The following PTPRK variants were observed in gnomAD, a reference collection of about 807,000 sequenced individuals.
PTPRK encodes receptor-type tyrosine-protein phosphatase kappa.
Under a neutral mutation model 178.0 loss-of-function variants are expected in PTPRK, and 75 were observed. That is an observed-to-expected ratio of 0.42 (90% CI 0.35 to 0.51). PTPRK has a LOEUF of 0.51. PTPRK is among the 20% of genes least tolerant of loss of function. The probability of loss-of-function intolerance (pLI) is 0.02; values close to 1 mark genes in which losing one functional copy is unlikely to be tolerated. For missense variants in PTPRK, 1,441 were observed against 1,797.8 expected, an observed-to-expected ratio of 0.80 and a Z score of 3.59; for synonymous variants, 637 against 620.6, an observed-to-expected ratio of 1.03 and a Z score of -0.39.
At chr6:128,173,848 C>A (rs967784316) in intron 7 of PTPRK, among the ~76,000 whole-genome samples, 3 of 151,954 alleles carry the variant, frequency 2.0e-5, no homozygotes, top group African/African-American at 7.2e-5. Flanking sequence ...CCTTTCAGTC[C>A]TTTTCTTAAA....
intron 3 of PTPRK, among the ~76,000 whole-genome samples, chr6:128,247,838 C>T (rs1048797426): frequency 6.6e-6 from 1 of 152,146 alleles, no homozygotes; most frequent in African/African-American, 2.4e-5. Flanking sequence ...ATATTTCTTC[C>T]ATTCCCTTCT....
At chr6:128,414,284 C>T (rs1842607701) in intron 1 of PTPRK, among the ~76,000 whole-genome samples, 1 of 152,156 alleles carries the variant, frequency 6.6e-6, no homozygotes, top group Non-Finnish European at 1.5e-5. Context: ...CTTTCACACC[C>T]CAGATTCTCT....
At chr6:128,203,519 C>A (rs1288058255) in intron 6 of PTPRK, among the ~76,000 whole-genome samples, 1 of 152,080 alleles carries the variant, frequency 6.6e-6, no homozygotes, top group African/African-American at 2.4e-5. Flanking sequence ...GATCCTATAC[C>A]TAGAAAACCC....
rs899809154 is a variant in PTPRK, at chr6:127,983,270, G to A, written c.3359C>T (p.Ser1120Phe). Residue 1120 changes from serine (S) to phenylalanine (F), a missense_variant, in exon 23 of 30, where the codon TCT becomes TTT. Physicochemically the swap from Ser to Phe is radical, Grantham distance 155. Around this residue, in one of 4 missense-constraint regions of PTPRK, gnomAD observed 335 missense variants for 512.4 expected, o/e 0.65. Coordinates refer to ENST00000368226, the MANE Select transcript of PTPRK (RefSeq NM_002844.4). ...TGTCTGGACCATATTAATACGCCGA[G>A]ATCTTAAGGCTTTGACACAATTGTA... ...DIYNCVKALRSRRINMVQTEE... is the reference protein window; with the variant it reads ...DIYNCVKALRFRRINMVQTEE... 5 of 1,613,122 alleles carry A rather than the reference G, an allele frequency of 3.1e-6. No individual in the cohort carries two copies. Among genetic ancestry groups the A allele is most frequent in the Non-Finnish European group, 4.2e-6 (5 of 1,179,396 alleles).
intron 7 of PTPRK, among the ~76,000 whole-genome samples, chr6:128,178,360 G>T (rs919819003): frequency 6.6e-6 from 1 of 151,700 alleles, no homozygotes; most frequent in Non-Finnish European, 1.5e-5. Context: ...TAAAATTTGT[G>T]AAATAATTAA....
chr6:128,035,945 T>C lies in PTPRK; in HGVS notation c.2195-26677A>G, dbSNP rs552787709. On this transcript the variant is annotated intron_variant, in intron 13 of 29. Transcript: ENST00000368226. The stretch of plus-strand genomic sequence containing the variant: ...TTTCTGTCTTCTAATGTGGTTGTGT[T>C]CAACAGTTTAGGCAATAAGCATATG... Among the ~76,000 whole-genome samples, 311 of 152,372 alleles carry C rather than the reference T, an allele frequency of 2.0e-3. 2 individuals are homozygous for C. The highest frequency in any genetic ancestry group is 4.2e-3 in the Admixed American group (65 of 15,300).
intron 3 of PTPRK, among the ~76,000 whole-genome samples, chr6:128,302,730 A>C (rs1279634714): frequency 6.6e-6 from 1 of 152,008 alleles, no homozygotes. Context: ...ACTATCATAA[A>C]TGTTGGTATT....
intron 2 of PTPRK, among the ~76,000 whole-genome samples, chr6:128,386,280 G>A (rs1562411059): frequency 6.6e-6 from 1 of 151,780 alleles, no homozygotes; most frequent in East Asian, 1.9e-4. Flanking sequence ...GTTTGATTAA[G>A]AAGAACTTTT....
intron 1 of PTPRK, among the ~76,000 whole-genome samples, chr6:128,495,227 G>C (rs987478349): frequency 6.6e-6 from 1 of 152,150 alleles, no homozygotes; most frequent in Non-Finnish European, 1.5e-5. Flanking sequence ...AATCAATATA[G>C]AAAGGTGCCT....
At chr6:128,093,183 G>A (rs181258228) in intron 7 of PTPRK, among the ~76,000 whole-genome samples, 1 of 152,002 alleles carries the variant, frequency 6.6e-6, no homozygotes, top group Non-Finnish European at 1.5e-5. Flanking sequence ...TCTTTATTGG[G>A]TATTCCATAT....
intron 8 of PTPRK, chr6:128,085,222 A>T (rs544186914): frequency 2.6e-5 from 4 of 152,258 alleles, no homozygotes; most frequent in Non-Finnish European, 5.9e-5. Context: ...AGACTATGAG[A>T]GAAGTTAACT....
intron 7 of PTPRK, among the ~76,000 whole-genome samples, chr6:128,137,748 A>C (rs1395581125): frequency 1.3e-5 from 2 of 152,130 alleles, no homozygotes; most frequent in Non-Finnish European, 2.9e-5. Flanking sequence ...CTAATAAAGA[A>C]TAGCCAAAGT....
chr6:128,161,565 C>A (rs1798713377), intron 7 of PTPRK, among the ~76,000 whole-genome samples: 1 of 151,560 alleles, frequency 6.6e-6, no homozygotes, highest in Admixed American at 6.6e-5. Context: ...AAGCCAATTG[C>A]TTCTATTTCC....
chr6:128,132,236 G>A (rs1191395698), intron 7 of PTPRK, among the ~76,000 whole-genome samples: 9 of 152,066 alleles, frequency 5.9e-5, no homozygotes, highest in Admixed American at 1.3e-4. Context: ...GTGCAGTGGC[G>A]CGATCTTGGC....
rs1394845771 is a variant in PTPRK at position 128,199,823 on chromosome 6, T to C, written c.869-15098A>G. 2.6e-5 allele frequency among the ~76,000 whole-genome samples: 4 copies of C among 152,204 alleles called. No individual in the cohort carries two copies. In the East Asian group the frequency reaches 7.7e-4, roughly 29 times the overall value. ...ATGGGCGTCTATGTTTTTCCTTAAA[T>C]GCTTCAATGTACCAGATCTTTTGAC... On this transcript the variant is annotated intron_variant, in intron 6 of 29. Transcript: ENST00000368226.
At chr6:128,331,358 A>C (rs1204469280) in intron 2 of PTPRK, among the ~76,000 whole-genome samples, 1 of 152,028 alleles carries the variant, frequency 6.6e-6, no homozygotes. Flanking sequence ...AAGATTAGAA[A>C]CCTCTTTGGC....
chr6:128,018,084 G>A (rs1779819738), intron 13 of PTPRK, among the ~76,000 whole-genome samples: 1 of 151,508 alleles, frequency 6.6e-6, no homozygotes, highest in Non-Finnish European at 1.5e-5. Flanking sequence ...AATAAAAATT[G>A]TATTGCAAAT....
intron 1 of PTPRK, among the ~76,000 whole-genome samples, chr6:128,460,611 CA>C (rs1240812498): frequency 3.9e-5 from 6 of 152,178 alleles, no homozygotes; most frequent in South Asian, 2.1e-4. Flanking sequence ...ACAGAGTTGC[CA>C]ATTTGGGGGT....
intron 2 of PTPRK, among the ~76,000 whole-genome samples, chr6:128,390,367 G>GT (rs1839385363): frequency 6.6e-6 from 1 of 152,112 alleles, no homozygotes; most frequent in Non-Finnish European, 1.5e-5. Flanking sequence ...CCCAAGGGAT[G>GT]AGAATATCAT....
Sources: allele counts gnomAD v4.1 joint callset (sites outside exome capture counted in the v4.1 genomes callset), GRCh38; gene constraint gnomAD v4.1.1; regional missense constraint gnomAD v4.1.1; transcripts MANE v1.5; gene names NCBI Gene and HGNC (gene_info 2026-07-23, HGNC 2026-07-21).